Variants in ADAM29 observed in about 807,000 individuals in gnomAD.
ADAM29 encodes the protein disintegrin and metalloproteinase domain-containing protein 29.
For synonymous variants in ADAM29, 367 were observed against 342.3 expected (o/e 1.07, Z -0.80); for missense variants, 969 against 1,001.8 (o/e 0.97, Z 0.44).
chr4:174,955,494 A>G (rs1266756166), intron 4 of ADAM29, among the ~76,000 whole-genome samples: 1 of 152,104 alleles, frequency 6.6e-6, no homozygotes, highest in African/African-American at 2.4e-5. Flanking sequence ...ATTGCTATCA[A>G]CAAACAATTG....
intron 4 of ADAM29, among the ~76,000 whole-genome samples, chr4:174,964,440 T>C (rs1414442835): frequency 6.6e-6 from 1 of 152,120 alleles, no homozygotes; most frequent in African/African-American, 2.4e-5. Context: ...CAGTCTGTGA[T>C]ACTATACTTT....
intron 2 of ADAM29, 39 bp downstream of exon 2, chr4:174,920,831 A>T (rs1207367715): frequency 1.3e-5 from 2 of 152,174 alleles, no homozygotes; most frequent in African/African-American, 4.8e-5. Flanking sequence ...ATTATCTTAC[A>T]TTATCCATAA....
At chr4:174,952,147 TATTA>T (rs952885694) in intron 4 of ADAM29, among the ~76,000 whole-genome samples, 1 of 152,130 alleles carries the variant, frequency 6.6e-6, no homozygotes, top group Non-Finnish European at 1.5e-5. Context: ...CATTTTAATG[TATTA>T]ATTAAAAAGA....
intron 4 of ADAM29, among the ~76,000 whole-genome samples, chr4:174,962,056 AAAT>A (rs1315808027): frequency 1.3e-5 from 2 of 152,226 alleles, no homozygotes; most frequent in African/African-American, 2.4e-5. Flanking sequence ...AAGAAAATAA[AAAT>A]AATAATTTGA....
intron 4 of ADAM29, among the ~76,000 whole-genome samples, chr4:174,972,731 T>C (rs1000370045): frequency 3.9e-5 from 6 of 152,142 alleles, no homozygotes; most frequent in Non-Finnish European, 7.4e-5. Context: ...TAGACTGTGA[T>C]AGGCCTCTCA....
chr4:174,922,474 G>A (rs901472569), intron 2 of ADAM29, among the ~76,000 whole-genome samples: 1 of 152,122 alleles, frequency 6.6e-6, no homozygotes, highest in South Asian at 2.1e-4. Flanking sequence ...ACATTTATAA[G>A]GTAATTCTTC....
intron 3 of ADAM29, among the ~76,000 whole-genome samples, 195 bp from the exon 4 acceptor site, chr4:174,936,738 A>G (rs898558835): frequency 6.6e-6 from 1 of 151,950 alleles, no homozygotes; most frequent in African/African-American, 2.4e-5. Context: ...TCATGTCACC[A>G]AAAAGACATG....
At chr4:174,926,988 C>T (rs576530082) in intron 2 of ADAM29, among the ~76,000 whole-genome samples, 2 of 152,018 alleles carry the variant, frequency 1.3e-5, no homozygotes, top group South Asian at 4.2e-4. Flanking sequence ...GAAGAATATA[C>T]ATAAATGTCA....
intron 2 of ADAM29, among the ~76,000 whole-genome samples, chr4:174,930,615 A>G (rs1037228870): frequency 2.0e-4 from 31 of 152,166 alleles, no homozygotes; most frequent in Middle Eastern, 3.2e-3. Flanking sequence ...AAAGGTAACT[A>G]TGTCTTTTTT....
At chr4:174,935,996 G>C (rs1419705343) in intron 3 of ADAM29, among the ~76,000 whole-genome samples, 3 of 152,114 alleles carry the variant, frequency 2.0e-5, no homozygotes, top group Admixed American at 6.6e-5. Flanking sequence ...GTCCAATCTG[G>C]ATACTTTTGA....
chr4:174,923,199 G>A (rs981385577), intron 2 of ADAM29, among the ~76,000 whole-genome samples: 1 of 151,914 alleles, frequency 6.6e-6, no homozygotes, highest in African/African-American at 2.4e-5. Context: ...TGGGATTACA[G>A]GTCTGCGCCA....
At chr4:174,921,794 TTG>T (rs1306312146) in intron 2 of ADAM29, among the ~76,000 whole-genome samples, 1 of 152,110 alleles carries the variant, frequency 6.6e-6, no homozygotes, top group Non-Finnish European at 1.5e-5. Context: ...TGGGAATAAG[TTG>T]TGTGTGTGTG....
At chr4:174,935,446 T>C (rs907570539) in intron 3 of ADAM29, among the ~76,000 whole-genome samples, 3 of 152,116 alleles carry the variant, frequency 2.0e-5, no homozygotes, top group Non-Finnish European at 4.4e-5. Context: ...GAGATCTTCA[T>C]CAAGTTAAAA....
At chr4:174,951,856 C>T (rs1448076351) in intron 4 of ADAM29, among the ~76,000 whole-genome samples, 1 of 152,088 alleles carries the variant, frequency 6.6e-6, no homozygotes, top group African/African-American at 2.4e-5. Flanking sequence ...CCCATATTTG[C>T]CCCCTTTATT....
intron 3 of ADAM29, among the ~76,000 whole-genome samples, 197 bp from the exon 4 acceptor site, chr4:174,936,732 GTCAC>G (rs1277636254): frequency 4.6e-5 from 7 of 151,660 alleles, no homozygotes; most frequent in African/African-American, 1.7e-4. Flanking sequence ...TTCATGTCAT[GTCAC>G]CAAAAAGACA....
chr4:174,944,589 T>A (rs2110988252), intron 4 of ADAM29, among the ~76,000 whole-genome samples: 1 of 152,250 alleles, frequency 6.6e-6, no homozygotes, highest in East Asian at 1.9e-4. Context: ...AGGCAAACTG[T>A]GTGTTATGGG....
rs749447187 is a variant in ADAM29, at chr4:174,976,103, G to T, written c.578G>T (p.Trp193Leu). 1 of 1,612,730 alleles carries T rather than the reference G, an allele frequency of 6.2e-7. No individual in the cohort carries two copies. Among genetic ancestry groups the T allele is most frequent in the East Asian group, 2.2e-5 (1 of 44,880 alleles). Reference sequence around the variant, plus strand: ...CAGAAGCAAAGTTCTTATGTGGGCTGGTGGATCCATTTTAGGATTGTTGAA... The same window carrying T: ...CAGAAGCAAAGTTCTTATGTGGGCTTGTGGATCCATTTTAGGATTGTTGAA... The part of the protein sequence containing the change: ...STQKQSSYVG[W>L]WIHFRIVEIV... Residue 193 changes from tryptophan (W) to leucine (L), a missense_variant, in exon 5 of 5, where the codon TGG becomes TTG. Coordinates refer to ENST00000359240, the MANE Select transcript of ADAM29 (RefSeq NM_014269.4).
intron 4 of ADAM29, among the ~76,000 whole-genome samples, chr4:174,943,229 G>C (rs370329493): frequency 1.3e-5 from 2 of 152,092 alleles, no homozygotes; most frequent in East Asian, 3.9e-4. Flanking sequence ...ACATCTTCCT[G>C]TCTTTTTCTA....
chr4:174,940,602 A>T (rs1376272123), intron 4 of ADAM29, among the ~76,000 whole-genome samples: 6 of 152,084 alleles, frequency 3.9e-5, no homozygotes, highest in African/African-American at 1.4e-4. Flanking sequence ...TTTTGCCAAC[A>T]TTCCTTGCCT....
Sources: gnomAD v4.1 joint callset for allele counts (sites outside exome capture counted in the v4.1 genomes callset) on GRCh38, gnomAD v4.1.1 for gene constraint, MANE v1.5 for transcripts, NCBI Gene and HGNC (gene_info 2026-07-23, HGNC 2026-07-21) for gene names.